Variants in HS3ST4 observed in about 807,000 individuals in gnomAD.
HS3ST4 encodes the protein heparan sulfate-glucosamine 3-sulfotransferase 4.
In HS3ST4, 17 loss-of-function variants were observed where a neutral mutation model predicts 29.2. The observed-to-expected ratio is 0.58, with a 90% CI of 0.40 to 0.87. The LOEUF (loss-of-function observed/expected upper bound fraction) is 0.87, where lower values mean the gene tolerates loss of function less well. HS3ST4 is among the 40% of genes least tolerant of loss of function. The pLI is 0.00. For synonymous variants in HS3ST4, 314 were observed against 285.7 expected (o/e 1.10, Z -1.00); for missense variants, 627 against 634.5 (o/e 0.99, Z 0.13).
chr16:25,849,633 T>C, intron 1 of HS3ST4, among the ~76,000 whole-genome samples: 1 of 152,030 alleles, frequency 6.6e-6, no homozygotes, highest in East Asian at 1.9e-4. Flanking sequence ...GCCTCTAGGG[T>C]AGCTGGCATT....
chr16:25,921,904 G>A (rs1221414136), intron 1 of HS3ST4, among the ~76,000 whole-genome samples: 1 of 151,980 alleles, frequency 6.6e-6, no homozygotes, highest in Non-Finnish European at 1.5e-5. Context: ...ACAGGCATGT[G>A]CTGCCATGCC....
At chr16:26,134,771 A>G (rs1440591309) in intron 1 of HS3ST4, among the ~76,000 whole-genome samples, 1 of 152,218 alleles carries the variant, frequency 6.6e-6, no homozygotes, top group African/African-American at 2.4e-5. Context: ...TTGCACAATA[A>G]TACCTTTGGA....
chr16:25,756,158 A>G lies in HS3ST4; in HGVS notation c.734+63007A>G, dbSNP rs77816147. On this transcript the variant is annotated intron_variant, in intron 1 of 1. Coordinates refer to ENST00000331351, the MANE Select transcript of HS3ST4 (RefSeq NM_006040.3). ...CACACACACACACACACACACGCAC[A>G]CACACACACACACACACACCCTGCC... is the stretch of plus-strand genomic sequence containing the variant. 1.9e-4 allele frequency among the ~76,000 whole-genome samples: 16 copies of G among 83,082 alleles called. 1 individual carries two copies. Among genetic ancestry groups the G allele is most frequent in the African/African-American group, 4.4e-4 (10 of 22,948 alleles). The allele number at this position is 83,082 out of a possible 152,430, so 54.5% of individuals were successfully genotyped here.
chr16:25,755,433 A>T (rs1966751276), intron 1 of HS3ST4, among the ~76,000 whole-genome samples: 1 of 152,100 alleles, frequency 6.6e-6, no homozygotes, highest in Non-Finnish European at 1.5e-5. Context: ...ATGCCCAAAG[A>T]CCCAGATTTT....
At chr16:26,087,409 T>A (rs1417908974) in intron 1 of HS3ST4, among the ~76,000 whole-genome samples, 1 of 152,166 alleles carries the variant, frequency 6.6e-6, no homozygotes, top group Non-Finnish European at 1.5e-5. Context: ...GGGATTGGGA[T>A]TCACCCAAGC....
At chr16:25,780,144 G>C (rs1157260609) in intron 1 of HS3ST4, among the ~76,000 whole-genome samples, 3 of 152,154 alleles carry the variant, frequency 2.0e-5, no homozygotes, top group Non-Finnish European at 4.4e-5. Flanking sequence ...CAATTCCTGG[G>C]CTTGTAGCTT....
rs1206232969 is a variant in HS3ST4, at chr16:25,828,313, T to TTC, written c.734+135162_734+135163insTC. 1.4e-3 allele frequency among the ~76,000 whole-genome samples: 170 copies of TTC among 120,870 alleles called. 3 individuals are homozygous for TTC. Among genetic ancestry groups the TTC allele is most frequent in the African/African-American group, 4.5e-3 (132 of 29,352 alleles). 79.3% of individuals were successfully genotyped at this position (120,870 alleles called of 152,430 possible). ...CTTTCTTTCTTTCCCTCTCTCTCTC[T>TTC]CTCTCTCTCTCTCTCTCTCTCTCTC... On this transcript the variant is annotated intron_variant, in intron 1 of 1. Coordinates refer to ENST00000331351, the MANE Select transcript of HS3ST4 (RefSeq NM_006040.3).
intron 1 of HS3ST4, among the ~76,000 whole-genome samples, chr16:25,776,924 T>G (rs1411413276): frequency 6.6e-6 from 1 of 152,248 alleles, no homozygotes; most frequent in African/African-American, 2.4e-5. Context: ...ACTGATTGAA[T>G]ACGTTCTGTT....
intron 1 of HS3ST4, among the ~76,000 whole-genome samples, chr16:25,847,393 AG>A (rs1254382049): frequency 2.6e-5 from 4 of 152,274 alleles, no homozygotes; most frequent in African/African-American, 9.6e-5. Context: ...AATTAAGTTG[AG>A]TTTAGTAGTT....
chr16:25,779,902 A>G (rs751862664), intron 1 of HS3ST4, among the ~76,000 whole-genome samples: 1 of 152,222 alleles, frequency 6.6e-6, no homozygotes, highest in Non-Finnish European at 1.5e-5. Flanking sequence ...GCATCTTGGC[A>G]CGCTGCGGAT....
At chr16:25,927,391 G>A in intron 1 of HS3ST4, among the ~76,000 whole-genome samples, 1 of 152,166 alleles carries the variant, frequency 6.6e-6, no homozygotes. Context: ...TTCAGACACT[G>A]GCAGAAATGA....
At chr16:25,937,795 A>G (rs924315485) in intron 1 of HS3ST4, among the ~76,000 whole-genome samples, 1 of 152,208 alleles carries the variant, frequency 6.6e-6, no homozygotes, top group Non-Finnish European at 1.5e-5. Context: ...TACCCCTTGT[A>G]TCTTCCCATT....
chr16:26,005,687 A>T (rs1007353835), intron 1 of HS3ST4, among the ~76,000 whole-genome samples: 5 of 151,830 alleles, frequency 3.3e-5, no homozygotes, highest in African/African-American at 1.2e-4. Context: ...CTGGCAGAGG[A>T]TAGCCACGAG....
chr16:25,873,278 T>TCATCCATCCATC (rs879378801), intron 1 of HS3ST4, among the ~76,000 whole-genome samples: 33 of 110,518 alleles, frequency 3.0e-4, no homozygotes, highest in East Asian at 8.1e-4. Flanking sequence ...ATTTGTCCAT[T>TCATCCATCCATC]CATCCATCCA....
At chr16:25,902,986 A>C (rs1376109365) in intron 1 of HS3ST4, among the ~76,000 whole-genome samples, 3 of 149,792 alleles carry the variant, frequency 2.0e-5, no homozygotes, top group Non-Finnish European at 3.0e-5. Flanking sequence ...GTGTCACTGC[A>C]CTCCAGCCTG....
chr16:26,110,839 C>T (rs1165877236), intron 1 of HS3ST4, among the ~76,000 whole-genome samples: 1 of 152,206 alleles, frequency 6.6e-6, no homozygotes, highest in East Asian at 1.9e-4. Context: ...CTCACGCTCT[C>T]CAGCTACACC....
chr16:25,705,259 T>G (rs2141582381), intron 1 of HS3ST4, among the ~76,000 whole-genome samples: 1 of 152,330 alleles, frequency 6.6e-6, no homozygotes, highest in South Asian at 2.1e-4. Flanking sequence ...TTAAAGCTTC[T>G]GCAGAGGGTT....
At chr16:26,030,525 T>C (rs890546993) in intron 1 of HS3ST4, among the ~76,000 whole-genome samples, 4 of 152,218 alleles carry the variant, frequency 2.6e-5, no homozygotes, top group Non-Finnish European at 5.9e-5. Context: ...GTCATATTTG[T>C]AATTACTAGA....
chr16:25,975,129 T>C (rs181461744), intron 1 of HS3ST4, among the ~76,000 whole-genome samples: 1 of 152,264 alleles, frequency 6.6e-6, no homozygotes, highest in East Asian at 1.9e-4. Flanking sequence ...AATGAAATCT[T>C]ATCCTATGCA....
Sources: gnomAD v4.1 joint callset for allele counts (sites outside exome capture counted in the v4.1 genomes callset) on GRCh38, gnomAD v4.1.1 for gene constraint, MANE v1.5 for transcripts, NCBI Gene and HGNC (gene_info 2026-07-23, HGNC 2026-07-21) for gene names.